TMPRSS15: variants seen among roughly 807,000 people sequenced by gnomAD.
TMPRSS15 encodes the protein transmembrane serine protease 15, also known as enteropeptidase.
TMPRSS15 carries 128 observed loss-of-function variants against 125.3 expected under a neutral mutation model. That is an observed-to-expected ratio of 1.02 (90% CI 0.89 to 1.18). The LOEUF is 1.18. TMPRSS15 is among the 50% of genes most tolerant of loss of function. TMPRSS15 has a pLI of 0.00. For missense variants in TMPRSS15, 1,283 were observed against 1,212.7 expected (o/e 1.06, Z -0.86); for synonymous variants, 446 against 423.2 (o/e 1.05, Z -0.66).
intron 16 of TMPRSS15, among the ~76,000 whole-genome samples, chr21:18,323,231 T>G (rs1027122739): frequency 2.2e-4 from 33 of 152,324 alleles, no homozygotes; most frequent in African/African-American, 6.0e-4. Context: ...GCTGTTAGTT[T>G]GTTCTCATGC....
At chr21:18,418,394 A>G (rs1014829682) in intron 1 of TMPRSS15, among the ~76,000 whole-genome samples, 3 of 152,166 alleles carry the variant, frequency 2.0e-5, no homozygotes, top group African/African-American at 7.2e-5. Flanking sequence ...AGTACTGTGG[A>G]ATACTAACAA....
chr21:18,379,642 G>A (rs1174609508), intron 4 of TMPRSS15, among the ~76,000 whole-genome samples: 1 of 152,024 alleles, frequency 6.6e-6, no homozygotes, highest in Admixed American at 6.6e-5. Flanking sequence ...AGACGTAAAT[G>A]TTCCAGGTTA....
chr21:18,373,725 C>T (rs988224937), intron 5 of TMPRSS15, among the ~76,000 whole-genome samples: 4 of 152,148 alleles, frequency 2.6e-5, no homozygotes, highest in Non-Finnish European at 5.9e-5. Context: ...TGTCCTAATG[C>T]TTCTCATGGG....
chr21:18,342,247 T>C (rs995568125), intron 12 of TMPRSS15, among the ~76,000 whole-genome samples: 1 of 152,252 alleles, frequency 6.6e-6, no homozygotes. Flanking sequence ...ATAAATTGAA[T>C]GTCTGCTATA....
At chr21:18,374,153 A>G (rs1257537530) in intron 5 of TMPRSS15, among the ~76,000 whole-genome samples, 1 of 152,178 alleles carries the variant, frequency 6.6e-6, no homozygotes, top group African/African-American at 2.4e-5. Flanking sequence ...GGAGAGAGAT[A>G]TGGAATGTAT....
chr21:18,314,196 T>C (rs965221707), intron 17 of TMPRSS15, among the ~76,000 whole-genome samples: 4 of 152,176 alleles, frequency 2.6e-5, no homozygotes, highest in Non-Finnish European at 4.4e-5. Context: ...CAAAAACAGC[T>C]ATGGCCCTTA....
chr21:18,302,880 C>A (rs2074988399), intron 18 of TMPRSS15, among the ~76,000 whole-genome samples: 1 of 152,274 alleles, frequency 6.6e-6, no homozygotes, highest in African/African-American at 2.4e-5. Context: ...AACATTATTT[C>A]CTTAGCTGCT....
chr21:18,366,265 T>G (rs919930382), intron 6 of TMPRSS15, among the ~76,000 whole-genome samples: 3 of 152,214 alleles, frequency 2.0e-5, no homozygotes, highest in Non-Finnish European at 4.4e-5. Flanking sequence ...AAAATGTTAG[T>G]ACTAGTGGCC....
At chr21:18,422,385 C>A (rs776697781) in intron 1 of TMPRSS15, among the ~76,000 whole-genome samples, 1 of 151,778 alleles carries the variant, frequency 6.6e-6, no homozygotes, top group Non-Finnish European at 1.5e-5. Context: ...AAAAAAATCA[C>A]AATGTGGTTT....
chr21:18,433,762 C>T (rs2076221977), intron 1 of TMPRSS15, among the ~76,000 whole-genome samples: 1 of 150,976 alleles, frequency 6.6e-6, no homozygotes, highest in Non-Finnish European at 1.5e-5. Flanking sequence ...TCAGATATAC[C>T]TTCTAGCTGT....
chr21:18,405,413 C>T (rs950702903), upstream of TMPRSS15, among the ~76,000 whole-genome samples: 2 of 152,042 alleles, frequency 1.3e-5, no homozygotes, highest in Non-Finnish European at 2.9e-5. Flanking sequence ...ATTAAACAAA[C>T]AGATGAATGT....
At chr21:18,326,286 A>T (rs1404862767) in intron 16 of TMPRSS15, 146 bp downstream of exon 16, 1 of 1,227,996 alleles carries the variant, frequency 8.1e-7, no homozygotes, top group Non-Finnish European at 1.2e-6. Context: ...GATGTAAAGG[A>T]GGAAAAATCA....
At chr21:18,361,883 TAA>T (rs11357306) in intron 7 of TMPRSS15, among the ~76,000 whole-genome samples, 2 of 150,044 alleles carry the variant, frequency 1.3e-5, no homozygotes, top group Admixed American at 6.6e-5. Flanking sequence ...GGTAGGTTAT[TAA>T]AAAAAAAACA....
rs547100205 is a variant in TMPRSS15, at chr21:18,309,917, G to A, written c.2165+3028C>T. On this transcript the variant is annotated intron_variant, in intron 18 of 24. Coordinates refer to ENST00000284885, the MANE Select transcript of TMPRSS15 (RefSeq NM_002772.3). The stretch of plus-strand genomic sequence containing the variant: ...TCTCTTTGCTCTTGATAGGAATTTC[G>A]TTCCTGATGAGGCTGACATCACTTG... 2.7e-4 allele frequency among the ~76,000 whole-genome samples: 41 copies of A among 152,146 alleles called. No individual in the cohort carries two copies. The Middle Eastern group carries it at 0.01, about 38-fold the overall frequency.
At chr21:18,424,736 T>G (rs1178451018) in intron 1 of TMPRSS15, among the ~76,000 whole-genome samples, 2 of 151,944 alleles carry the variant, frequency 1.3e-5, no homozygotes, top group African/African-American at 4.8e-5. Flanking sequence ...AAAGTAATGG[T>G]TAAAAAAGAG....
chr21:18,297,889 T>A, intron 18 of TMPRSS15, 60 bp from the exon 19 acceptor site: 1 of 1,332,300 alleles, frequency 7.5e-7, no homozygotes, highest in Non-Finnish European at 1.1e-6. Context: ...AGACCATAAG[T>A]TAGACTTTCA....
At chr21:18,467,989 A>C (rs1229541795) in intron 1 of TMPRSS15, among the ~76,000 whole-genome samples, 1 of 152,072 alleles carries the variant, frequency 6.6e-6, no homozygotes, top group Non-Finnish European at 1.5e-5. Flanking sequence ...GAGACAGTGG[A>C]GGTAAAGAGA....
chr21:18,453,243 C>CA (rs1163991311), intron 1 of TMPRSS15, among the ~76,000 whole-genome samples: 1 of 152,120 alleles, frequency 6.6e-6, no homozygotes, highest in East Asian at 1.9e-4. Context: ...CTGGATCTCT[C>CA]AAAAATCTCA....
At chr21:18,284,962 T>C (rs1030018218) in intron 21 of TMPRSS15, among the ~76,000 whole-genome samples, 2 of 151,190 alleles carry the variant, frequency 1.3e-5, no homozygotes, top group East Asian at 2.0e-4. Context: ...ATTTGTGCCA[T>C]TGCACTCCAG....
Sources: gnomAD v4.1 joint callset for allele counts (sites outside exome capture counted in the v4.1 genomes callset) on GRCh38, gnomAD v4.1.1 for gene constraint, MANE v1.5 for transcripts, NCBI Gene and HGNC (gene_info 2026-07-23, HGNC 2026-07-21) for gene names.